The following PRKCD variants were observed in gnomAD, a reference collection of about 807,000 sequenced individuals.
The protein encoded by PRKCD is protein kinase C delta, also known as protein kinase C delta type.
In PRKCD, 20 loss-of-function variants were observed where a neutral mutation model predicts 82.2. The observed-to-expected ratio is 0.24, with a 90% CI of 0.17 to 0.35. PRKCD has a LOEUF of 0.35. Among genes scored for constraint, PRKCD ranks in the 10% least tolerant of loss-of-function variants. The pLI, the probability that PRKCD is intolerant of heterozygous loss-of-function variation, is 1.00. For synonymous variants in PRKCD, 317 were observed against 337.0 expected, an observed-to-expected ratio of 0.94 and a Z score of 0.65; for missense variants, 607 against 899.0, an observed-to-expected ratio of 0.68 and a Z score of 4.15.
At chr3:53,171,963 T>G (rs1269870070) in intron 2 of PRKCD, among the ~76,000 whole-genome samples, 1 of 151,098 alleles carries the variant, frequency 6.6e-6, no homozygotes, top group African/African-American at 2.4e-5. Context: ...GGGAGCTGGG[T>G]AAGGGGAGGA....
intron 6 of PRKCD, 26 bp from the exon 7 acceptor site, chr3:53,181,675 C>T: frequency 6.2e-7 from 1 of 1,612,502 alleles, no homozygotes. Context: ...CCCGCTCACT[C>T]ACTTTGCCTG....
At chr3:53,181,797 G>C in intron 7 of PRKCD, 65 bp downstream of exon 7, 2 of 1,608,514 alleles carry the variant, frequency 1.2e-6, no homozygotes, top group Non-Finnish European at 8.5e-7. Context: ...GCCAGTGCCT[G>C]TGTGTATGCC....
At chr3:53,161,757 CTG>C (rs1702668184) in intron 1 of PRKCD, among the ~76,000 whole-genome samples, 1 of 151,872 alleles carries the variant, frequency 6.6e-6, no homozygotes, top group African/African-American at 2.4e-5. Context: ...GCCACCCACT[CTG>C]TGTTCTCCCC....
At chr3:53,184,818 C>T (rs879972110) in intron 9 of PRKCD, 56 bp from the exon 10 acceptor site, 26 of 1,490,434 alleles carry the variant, frequency 1.7e-5, no homozygotes, top group Non-Finnish European at 2.4e-5. Context: ...TCCTACACTG[C>T]CCCCTGCCCT....
At chr3:53,177,532 C>T (rs1047244157) in intron 2 of PRKCD, among the ~76,000 whole-genome samples, 2 of 152,110 alleles carry the variant, frequency 1.3e-5, no homozygotes, top group Non-Finnish European at 2.9e-5. Flanking sequence ...TTTATCTTGG[C>T]ACTGCTTGTC....
chr3:53,183,755 C>T (rs1378884243), intron 9 of PRKCD, among the ~76,000 whole-genome samples, 174 bp downstream of exon 9: 1 of 152,214 alleles, frequency 6.6e-6, no homozygotes, highest in Non-Finnish European at 1.5e-5. Context: ...ACTGGCTCTG[C>T]CACTTACCTG....
intron 2 of PRKCD, among the ~76,000 whole-genome samples, chr3:53,175,477 A>G (rs913622307): frequency 8.5e-5 from 13 of 152,106 alleles, no homozygotes; most frequent in Admixed American, 8.5e-4. Flanking sequence ...TCATCAGGAA[A>G]TGGGGGGGCT....
chr3:53,183,408 G>A (rs782231586), intron 8 of PRKCD, 44 bp from the exon 9 acceptor site: 1 of 1,610,748 alleles, frequency 6.2e-7, no homozygotes, highest in Non-Finnish European at 8.5e-7. Flanking sequence ...AGAAGAGGCT[G>A]GAGCTGGCAC....
chr3:53,189,221 A>G lies in PRKCD; in HGVS notation c.1718A>G (p.Lys573Arg), dbSNP rs1553670226. 1 of 1,575,660 alleles carries G rather than the reference A, an allele frequency of 6.3e-7. No individual in the cohort carries two copies. Among genetic ancestry groups the G allele is most frequent in the Non-Finnish European group, 8.6e-7 (1 of 1,156,282 alleles). ...DTPHYPRWIT[K>R]ESKDILEKLF... ...CCACATTATCCCCGCTGGATCACCA[A>G]GGAGTCCAAGGACATCCTGGAGAAG... The change falls in exon 17 of 19, where the codon AAG (lysine) becomes AGG (arginine). Residue 573 changes from lysine to arginine, a missense_variant. Physicochemically the swap from Lys to Arg is conservative, Grantham distance 26. Transcript: ENST00000330452.
rs572169966 is a variant in PRKCD, at chr3:53,163,959, ATTTAGCTGGCACAG to A, written c.-131-1139_-131-1126del. 2.3e-4 allele frequency among the ~76,000 whole-genome samples: 35 copies of A among 152,318 alleles called. No homozygotes were observed. The East Asian group carries it at 6.7e-3, about 29-fold the overall frequency. On this transcript the variant is annotated intron_variant, in intron 1 of 18. Transcript: ENST00000330452. ...GCTGTGACTGCAGGGCGCTGACACC[ATTTAGCTGGCACAG>A]TTTAGATTAAAATTAGAAATAATTT... is the stretch of plus-strand genomic sequence containing the variant.
In PRKCD at chr3:53,181,302, CG is replaced by C. The variant is rs367633683; in HGVS notation, c.376+38del. The C allele has an allele frequency of 6.3e-4, 1,014 of 1,611,772 alleles. 4 individuals are homozygous for C. The African/African-American group carries it at 0.012, about 19-fold the overall frequency. On this transcript the variant is annotated intron_variant, in intron 5 of 18. Transcript: ENST00000330452. ...CCCTGGGGGTGGAGGGCTCCCTTGC[CG>C]GGTTCAGAGGCAGAGCCAGCACTGA...
chr3:53,171,472 G>C (rs1418498234), intron 2 of PRKCD, among the ~76,000 whole-genome samples: 3 of 152,222 alleles, frequency 2.0e-5, no homozygotes, highest in African/African-American at 7.2e-5. Flanking sequence ...GGTCCCTGCA[G>C]CCTCCGTTCT....
At chr3:53,182,008 C>T (rs41305600) in intron 7 of PRKCD, 11,482 of 622,962 alleles carry the variant, frequency 0.018, 157 homozygotes, top group Non-Finnish European at 0.027. Flanking sequence ...AGAAACCAGC[C>T]CAGGCCATGC....
At chr3:53,166,452 A>G (rs1290637747) in intron 2 of PRKCD, among the ~76,000 whole-genome samples, 1 of 152,186 alleles carries the variant, frequency 6.6e-6, no homozygotes, top group African/African-American at 2.4e-5. Flanking sequence ...GCGTGCTCAC[A>G]CAGGGATATG....
intron 3 of PRKCD, among the ~76,000 whole-genome samples, chr3:53,179,276 A>T (rs1236573996): frequency 2.6e-5 from 4 of 152,218 alleles, no homozygotes; most frequent in Non-Finnish European, 5.9e-5. Flanking sequence ...CTCGAATATT[A>T]TGGCTGGCAT....
In PRKCD at chr3:53,169,828, A is replaced by G. The variant is rs1231863597; in HGVS notation, c.-20+4613A>G. 6.6e-6 allele frequency among the ~76,000 whole-genome samples: 1 copy of G among 152,126 alleles called. No homozygotes were observed. Among genetic ancestry groups the G allele is most frequent in the Non-Finnish European group, 1.5e-5 (1 of 68,014 alleles). ...GGGGCTTAACAGAGCCTCTTTTCCC[A>G]CTTTCCAAGGAAGTCTGGAAGACAC... On this transcript the variant is annotated intron_variant, in intron 2 of 18. Transcript: ENST00000330452. This position sits in a 1 kb window ranked among gnomAD's most constrained non-coding sequence, Gnocchi z 4.7.
In PRKCD at chr3:53,190,140, C is replaced by T. The variant is rs184757770; in HGVS notation, c.1872+139C>T. ...AGCATGTTCAGTCACAGCCGCTGCCCTTGTATTCTCATCCTCTCCCTCCTG... is the reference window on the plus strand; with the variant it reads ...AGCATGTTCAGTCACAGCCGCTGCCTTTGTATTCTCATCCTCTCCCTCCTG... On this transcript the variant is annotated intron_variant, in intron 18 of 18. Coordinates refer to ENST00000330452, the MANE Select transcript of PRKCD (RefSeq NM_006254.4). 8.4e-5 allele frequency: 106 copies of T among 1,255,920 alleles called. 1 individual carries two copies. In the Middle Eastern group the frequency reaches 2.5e-3, roughly 29 times the overall value. 77.8% of individuals were successfully genotyped at this position (1,255,920 alleles called of 1,614,324 possible). A position where few individuals can be genotyped will look rare whatever the true frequency, so the allele number is the denominator to read the frequency against.
chr3:53,190,046 C>T, intron 18 of PRKCD, 45 bp downstream of exon 18: 2 of 1,610,062 alleles, frequency 1.2e-6, no homozygotes, highest in Non-Finnish European at 1.7e-6. Flanking sequence ...AGCTACTCCT[C>T]TCCTGCCCTC....
At chr3:53,177,344 G>A (rs1483925994) in intron 2 of PRKCD, among the ~76,000 whole-genome samples, 1 of 152,184 alleles carries the variant, frequency 6.6e-6, no homozygotes, top group Non-Finnish European at 1.5e-5. Flanking sequence ...TTCCAGGCAA[G>A]CGAGAGGCAC....
Sources: gnomAD v4.1 joint callset for allele counts (sites outside exome capture counted in the v4.1 genomes callset) on GRCh38, gnomAD v4.1.1 for gene constraint, Gnocchi (gnomAD v3.1) non-coding constraint, MANE v1.5 for transcripts, NCBI Gene and HGNC (gene_info 2026-07-23, HGNC 2026-07-21) for gene names.